MESP1: variants seen among roughly 807,000 people sequenced by gnomAD.
MESP1 encodes mesoderm posterior bHLH transcription factor 1.
Under a neutral mutation model 15.2 loss-of-function variants are expected in MESP1, and 22 were observed. That is an observed-to-expected ratio of 1.45 (90% confidence interval 1.04 to 2.07). MESP1 has a LOEUF of 2.07. MESP1 is among the 30% of genes most tolerant of loss of function. The pLI is 0.00. For missense variants in MESP1, 484 were observed against 411.9 expected (o/e 1.17, Z -1.51); for synonymous variants, 216 against 192.6 (o/e 1.12, Z -1.01).
At chr15:89,737,833 C>G in the MESP1 span, 4,193 of 1,515,696 alleles carry the variant, frequency 2.8e-3, 105 homozygotes, top group African/African-American at 0.053. Context: ...CTGTGTCCCC[C>G]TCTACCATAG....
At chr15:89,744,962 G>A (rs1967898696), downstream of MESP1, among the ~76,000 whole-genome samples, 1 of 152,232 alleles carries the variant, frequency 6.6e-6, no homozygotes, top group Non-Finnish European at 1.5e-5. Flanking sequence ...ACCACTCACT[G>A]TAATGATGGT....
At chr15:89,736,709 A>G in the MESP1 span, among the ~76,000 whole-genome samples, 1 of 150,552 alleles carries the variant, frequency 6.6e-6, no homozygotes, top group South Asian at 2.1e-4. Flanking sequence ...GAGGTGGGGG[A>G]GTGGACAGGG....
At chr15:89,742,514 A>T in the MESP1 span, among the ~76,000 whole-genome samples, 1 of 150,608 alleles carries the variant, frequency 6.6e-6, no homozygotes, top group Non-Finnish European at 1.5e-5. Context: ...TGCACTTATT[A>T]TTTTTTTTTA....
chr15:89,741,321 C>A, the MESP1 span, among the ~76,000 whole-genome samples: 1 of 152,046 alleles, frequency 6.6e-6, no homozygotes, highest in African/African-American at 2.4e-5. Flanking sequence ...GCCTTGACTT[C>A]CCGGGCTCAG....
At chr15:89,746,695 ACACAGCCCCGCCTC>A (rs1967965421), downstream of MESP1, among the ~76,000 whole-genome samples, 1 of 144,852 alleles carries the variant, frequency 6.9e-6, no homozygotes. Context: ...CCACACACAC[ACACAGCCCCGCCTC>A]CACACACACA....
the MESP1 span, among the ~76,000 whole-genome samples, chr15:89,744,317 C>T: frequency 7.9e-5 from 12 of 152,180 alleles, no homozygotes; most frequent in South Asian, 4.1e-4. Flanking sequence ...GACTGTCCCC[C>T]GGGATGAAGG....
chr15:89,735,601 C>A, the MESP1 span: 2 of 1,570,602 alleles, frequency 1.3e-6, no homozygotes, highest in African/African-American at 1.4e-5. Context: ...TCTCATTTCT[C>A]TTCTGTGAAT....
At chr15:89,750,416 G>C in intron 1 of MESP1, 93 bp downstream of exon 1, 1 of 1,455,646 alleles carries the variant, frequency 6.9e-7, no homozygotes, top group Non-Finnish European at 9.0e-7. Context: ...GCTGCCGGCG[G>C]GGAGCAGCAG....
At chr15:89,747,143 CA>C (rs1967986172), downstream of MESP1, among the ~76,000 whole-genome samples, 36 of 143,024 alleles carry the variant, frequency 2.5e-4, no homozygotes, top group African/African-American at 8.7e-4. Flanking sequence ...CACACACACA[CA>C]CACCCCTACC....
downstream of MESP1, chr15:89,749,679 G>A (rs149597091): frequency 0.012 from 1,842 of 158,132 alleles, 47 homozygotes; most frequent in African/African-American, 0.042. Flanking sequence ...CTCACAGGAC[G>A]TCCCTCCCCA....
the MESP1 span, among the ~76,000 whole-genome samples, chr15:89,734,440 A>G: frequency 1.3e-5 from 2 of 152,142 alleles, no homozygotes; most frequent in Non-Finnish European, 2.9e-5. Flanking sequence ...CCTTTCTCAC[A>G]TGGTAGTCTA....
chr15:89,750,052 T>C lies in MESP1; in HGVS notation c.*92A>G, dbSNP rs1270273378. The C allele has an allele frequency of 4.6e-6, 6 of 1,296,828 alleles. No homozygotes were observed. Among genetic ancestry groups the C allele is most frequent in the Non-Finnish European group, 6.7e-6 (6 of 894,006 alleles). 80.3% of individuals were successfully genotyped at this position (1,296,828 alleles called of 1,614,324 possible). A position where few individuals can be genotyped will look rare whatever the true frequency, so the allele number is the denominator to read the frequency against. On this transcript the variant is annotated 3_prime_UTR_variant, in exon 2 of 2. Coordinates refer to ENST00000300057, the MANE Select transcript of MESP1 (RefSeq NM_018670.4). ...CCCCGTCGGGATCGCCCGTGCCCTC[T>C]TCCAGGAAAGGCAGTCTGCCAAGGA...
chr15:89,734,109 G>C, the MESP1 span, among the ~76,000 whole-genome samples: 1 of 152,088 alleles, frequency 6.6e-6, no homozygotes, highest in African/African-American at 2.4e-5. Flanking sequence ...AGTTCCATTT[G>C]GGCTCCCTGC....
In MESP1 at chr15:89,751,091, T is replaced by C. The variant is rs763879907; in HGVS notation, c.141A>G (p.Pro47=). The C allele has an allele frequency of 4.4e-6, 5 of 1,141,936 alleles. No individual in the cohort carries two copies. Among genetic ancestry groups the C allele is most frequent in the African/African-American group, 1.9e-5 (1 of 52,382 alleles). 70.7% of individuals were successfully genotyped at this position (1,141,936 alleles called of 1,614,324 possible). The change falls in exon 1 of 2, where the codon CCA becomes CCG. Residue 47 remains proline (P), a synonymous_variant. Transcript: ENST00000300057. The part of the protein sequence containing the change: ...VSSPDSWGST[P]ADSPVASPAR... ...CGGGGCTCGCCACGGGGCTGTCGGC[T>C]GGGGTGCTGCCCCATGAGTCTGGGG...
chr15:89,735,486 A>G, the MESP1 span: 18 of 1,613,986 alleles, frequency 1.1e-5, no homozygotes, highest in African/African-American at 1.6e-4. Flanking sequence ...TTTCTGTCCT[A>G]TAGGCCTGTA....
the MESP1 span, chr15:89,737,820 A>G: frequency 6.5e-7 from 1 of 1,546,876 alleles, no homozygotes; most frequent in Non-Finnish European, 8.8e-7. Context: ...TCTCCTCCCC[A>G]CTCTGTGTCC....
At chr15:89,750,392 G>T in intron 1 of MESP1, 117 bp downstream of exon 1, 1 of 1,452,224 alleles carries the variant, frequency 6.9e-7, no homozygotes, top group Non-Finnish European at 9.1e-7. Flanking sequence ...ATACTATGGT[G>T]GCCAGGTGGC....
At chr15:89,736,157 G>C in the MESP1 span, among the ~76,000 whole-genome samples, 8 of 152,240 alleles carry the variant, frequency 5.3e-5, no homozygotes, top group Non-Finnish European at 1.2e-4. Context: ...AGCAGGGATG[G>C]AGAGTTGAGA....
Position 89,750,003 on chromosome 15 carries a change from G to C in MESP1, c.*141C>G. 1.2e-6 allele frequency: 1 copy of C among 806,320 alleles called. No individual in the cohort carries two copies. The highest frequency in any genetic ancestry group is 2.0e-5 in the Admixed American group (1 of 49,756). The allele number at this position is 806,320 out of a possible 1,614,324, so 49.9% of individuals were successfully genotyped here. The stretch of plus-strand genomic sequence containing the variant: ...GGCTGAGAAGGGCCGCCGCGGTGGG[G>C]ACGGCTCTCACCCGCAGGAATGCCC... On this transcript the variant is annotated 3_prime_UTR_variant, in exon 2 of 2. Transcript: ENST00000300057.
Sources: gnomAD v4.1 joint callset for allele counts (sites outside exome capture counted in the v4.1 genomes callset) on GRCh38, gnomAD v4.1.1 for gene constraint, MANE v1.5 for transcripts, NCBI Gene and HGNC (gene_info 2026-07-23, HGNC 2026-07-21) for gene names.